The following ZHX2 variants were observed in gnomAD, a reference collection of about 807,000 sequenced individuals.
ZHX2 encodes the protein zinc fingers and homeoboxes protein 2.
In ZHX2, 6 loss-of-function variants were observed where a neutral mutation model predicts 21.9. The observed-to-expected ratio is 0.27, with a 90% CI of 0.15 to 0.54. The LOEUF (loss-of-function observed/expected upper bound fraction) is 0.54. Among genes scored for constraint, ZHX2 ranks in the 20% least tolerant of loss-of-function variants. The pLI, the probability that ZHX2 is intolerant of heterozygous loss-of-function variation, is 0.95. For missense variants in ZHX2, 908 were observed against 1,090.7 expected (o/e 0.83, Z 2.36); for synonymous variants, 434 against 437.1 (o/e 0.99, Z 0.09).
intron 1 of ZHX2, among the ~76,000 whole-genome samples, chr8:122,818,259 C>G (rs1434152613): frequency 6.6e-6 from 1 of 151,300 alleles, no homozygotes; most frequent in African/African-American, 2.4e-5. Flanking sequence ...CAACATCCTT[C>G]TCTTTATTTG....
chr8:122,804,177 C>T (rs1817778374), intron 1 of ZHX2, among the ~76,000 whole-genome samples: 3 of 152,146 alleles, frequency 2.0e-5, no homozygotes, highest in South Asian at 2.1e-4. Context: ...GGCACCATCT[C>T]GGCTTGCTGC....
chr8:122,891,840 G>A (rs1292476096), intron 2 of ZHX2, among the ~76,000 whole-genome samples: 5 of 152,194 alleles, frequency 3.3e-5, no homozygotes, highest in Admixed American at 1.3e-4. Context: ...GTGGCCTAAT[G>A]TATGGTCTAT....
At chr8:122,924,380 A>C (rs1487596703) in intron 2 of ZHX2, among the ~76,000 whole-genome samples, 1 of 152,158 alleles carries the variant, frequency 6.6e-6, no homozygotes, top group Non-Finnish European at 1.5e-5. Context: ...GACACTAGTC[A>C]TATTGTATTT....
At chr8:122,792,213 T>C (rs1040339454) in intron 1 of ZHX2, among the ~76,000 whole-genome samples, 3 of 152,228 alleles carry the variant, frequency 2.0e-5, no homozygotes, top group African/African-American at 7.2e-5. Flanking sequence ...TTGCCTTTTC[T>C]GCACATTTTA....
chr8:122,865,167 C>G (rs952563926), intron 2 of ZHX2, among the ~76,000 whole-genome samples: 3 of 149,396 alleles, frequency 2.0e-5, no homozygotes. Context: ...CTCACTCTGT[C>G]GCCCAGGCTG....
At chr8:122,918,120 C>T (rs948464930) in intron 2 of ZHX2, among the ~76,000 whole-genome samples, 1 of 152,144 alleles carries the variant, frequency 6.6e-6, no homozygotes, top group Non-Finnish European at 1.5e-5. Context: ...ATTCTAAGTG[C>T]CTCTTATTAA....
intron 3 of ZHX2, among the ~76,000 whole-genome samples, chr8:122,956,749 T>G (rs778071455): frequency 1.3e-5 from 2 of 152,174 alleles, no homozygotes; most frequent in African/African-American, 4.8e-5. Context: ...TTTGCTGAAT[T>G]TGAATAGAAA....
intron 1 of ZHX2, among the ~76,000 whole-genome samples, chr8:122,802,842 A>G (rs1348128900): frequency 1.3e-5 from 2 of 151,986 alleles, no homozygotes; most frequent in Non-Finnish European, 1.5e-5. Context: ...GTGTTTATTT[A>G]CTGCTCTGGG....
At chr8:122,904,906 A>T (rs1820310723) in intron 2 of ZHX2, among the ~76,000 whole-genome samples, 2 of 152,220 alleles carry the variant, frequency 1.3e-5, no homozygotes, top group African/African-American at 4.8e-5. Context: ...GCAAATATAA[A>T]CATGCTTCAA....
chr8:122,937,168 T>C (rs1432371783), intron 2 of ZHX2, among the ~76,000 whole-genome samples: 1 of 152,118 alleles, frequency 6.6e-6, no homozygotes, highest in Non-Finnish European at 1.5e-5. Flanking sequence ...ACTGCAGTTG[T>C]GGAGGAAAGC....
At chr8:122,971,828 A>G (rs1054645300) in intron 3 of ZHX2, among the ~76,000 whole-genome samples, 1 of 152,068 alleles carries the variant, frequency 6.6e-6, no homozygotes, top group Non-Finnish European at 1.5e-5. Context: ...AAAAGTAATG[A>G]TGGAGACCTG....
intron 3 of ZHX2, among the ~76,000 whole-genome samples, chr8:122,963,376 G>A (rs1299860617): frequency 3.9e-5 from 6 of 152,010 alleles, no homozygotes; most frequent in Non-Finnish European, 7.4e-5. Flanking sequence ...TATTGAATAG[G>A]GTGTCCTTTC....
At chr8:122,957,203 T>C (rs1813325696) in intron 3 of ZHX2, among the ~76,000 whole-genome samples, 1 of 151,424 alleles carries the variant, frequency 6.6e-6, no homozygotes, top group Non-Finnish European at 1.5e-5. Flanking sequence ...GAGTCCTCAC[T>C]CTTCCTCCTG....
intron 2 of ZHX2, among the ~76,000 whole-genome samples, chr8:122,877,731 G>A (rs1819604568): frequency 6.6e-6 from 1 of 152,152 alleles, no homozygotes; most frequent in African/African-American, 2.4e-5. Flanking sequence ...GCATTTTCAT[G>A]GACTGAGAGG....
intron 1 of ZHX2, among the ~76,000 whole-genome samples, chr8:122,822,558 TGA>T (rs1818175400): frequency 6.6e-6 from 1 of 152,286 alleles, no homozygotes; most frequent in East Asian, 1.9e-4. Context: ...GTAACTGAGC[TGA>T]AAAGATGACT....
intron 3 of ZHX2, among the ~76,000 whole-genome samples, chr8:122,970,403 G>A (rs539570081): frequency 1.3e-5 from 2 of 152,216 alleles, no homozygotes; most frequent in African/African-American, 4.8e-5. Flanking sequence ...GAGCGGATGG[G>A]GGGGTCAGCC....
intron 3 of ZHX2, among the ~76,000 whole-genome samples, chr8:122,960,919 G>A (rs1021957011): frequency 2.0e-4 from 30 of 152,202 alleles, no homozygotes; most frequent in African/African-American, 7.2e-4. Flanking sequence ...AATGTCCTGG[G>A]CATTCAGACC....
rs548177826 is a variant in ZHX2 at position 122,899,432 on chromosome 8, C to A, written c.-220+35893C>A. On this transcript the variant is annotated intron_variant, in intron 2 of 3. Coordinates refer to ENST00000314393, the MANE Select transcript of ZHX2 (RefSeq NM_014943.5). Reference sequence around the variant, plus strand: ...TGCTCAATAAATGCATATTAGTGGTCGAAGCTCAGACCTCATACTATCTTT... The same window carrying A: ...TGCTCAATAAATGCATATTAGTGGTAGAAGCTCAGACCTCATACTATCTTT... 2.6e-5 allele frequency among the ~76,000 whole-genome samples: 4 copies of A among 152,096 alleles called. No individual in the cohort carries two copies. In the South Asian group the frequency reaches 8.3e-4, roughly 32 times the overall value.
intron 2 of ZHX2, among the ~76,000 whole-genome samples, chr8:122,868,175 A>G (rs1196589269): frequency 1.3e-5 from 2 of 152,186 alleles, no homozygotes; most frequent in Non-Finnish European, 2.9e-5. Context: ...CCACACCTGA[A>G]TTCCATTGTC....
Sources: allele counts gnomAD v4.1 joint callset (sites outside exome capture counted in the v4.1 genomes callset), GRCh38; gene constraint gnomAD v4.1.1; transcripts MANE v1.5; gene names NCBI Gene and HGNC (gene_info 2026-07-23, HGNC 2026-07-21).